Variants in RNF121 observed in about 807,000 individuals in gnomAD.
The protein encoded by RNF121 is E3 ubiquitin ligase RNF121.
A neutral mutation model predicts 46.5 loss-of-function variants in RNF121; 21 were observed. That is an observed-to-expected ratio of 0.45 (90% CI 0.32 to 0.65). The LOEUF is 0.65. Ranked by LOEUF, RNF121 falls within the 30% of genes least tolerant of loss-of-function variation. The pLI is 0.04. For synonymous variants in RNF121, 139 were observed against 144.7 expected, an observed-to-expected ratio of 0.96 and a Z score of 0.28; for missense variants, 346 against 416.0, an observed-to-expected ratio of 0.83 and a Z score of 1.46.
rs745968605 is a variant in RNF121, at chr11:71,960,861, G to C, written c.213G>C (p.Gln71His). The change falls in exon 3 of 9, where the codon CAG becomes CAC. Residue 71 changes from glutamine (Q) to histidine (H), a missense_variant. Physicochemically the swap from Gln to His is conservative, Grantham distance 24. Around this residue, in one of 2 missense-constraint regions of RNF121, gnomAD observed 286 missense variants for 383.8 expected, o/e 0.75. Transcript: ENST00000361756. ...TLVVAQLLLV[Q>H]WKQRHPRSYN... is the part of the protein sequence containing the mutation. Reference sequence around the variant, plus strand: ...TGGTGGCCCAGCTGCTCCTGGTGCAGTGGAAGCAGAGGCACCCACGCTCCT... The same window carrying C: ...TGGTGGCCCAGCTGCTCCTGGTGCACTGGAAGCAGAGGCACCCACGCTCCT... The C allele has an allele frequency of 1.2e-6, 2 of 1,614,160 alleles. No individual in the cohort carries two copies. The highest frequency in any genetic ancestry group is 1.1e-5 in the South Asian group (1 of 91,080).
intron 1 of RNF121, among the ~76,000 whole-genome samples, chr11:71,937,163 C>T (rs879679463): frequency 2.6e-5 from 4 of 152,186 alleles, no homozygotes; most frequent in Admixed American, 6.5e-5. Context: ...TACAGATTTC[C>T]GTCAGCACTT....
chr11:71,976,652 C>G (rs1954533699), intron 3 of RNF121, among the ~76,000 whole-genome samples: 1 of 152,160 alleles, frequency 6.6e-6, no homozygotes, highest in Non-Finnish European at 1.5e-5. Context: ...GCCACGGCAC[C>G]TGGCCCATTC....
At chr11:71,963,958 TTTG>T (rs1169121812) in intron 3 of RNF121, among the ~76,000 whole-genome samples, 2 of 152,236 alleles carry the variant, frequency 1.3e-5, no homozygotes, top group African/African-American at 4.8e-5. Context: ...GTTCCTCAAC[TTTG>T]TTATTATTTT....
intron 1 of RNF121, among the ~76,000 whole-genome samples, chr11:71,934,090 C>T (rs1036698770): frequency 9.2e-5 from 14 of 152,096 alleles, no homozygotes; most frequent in African/African-American, 3.4e-4. Flanking sequence ...TTCCACCTGC[C>T]CTTTAAAGTT....
chr11:71,956,327 C>T (rs1257262299), intron 1 of RNF121, among the ~76,000 whole-genome samples: 2 of 152,138 alleles, frequency 1.3e-5, no homozygotes, highest in African/African-American at 4.8e-5. Context: ...GGGTATGCTT[C>T]TGTATGACTG....
chr11:71,944,881 T>A (rs987755227), intron 1 of RNF121, among the ~76,000 whole-genome samples: 19 of 152,332 alleles, frequency 1.2e-4, no homozygotes, highest in African/African-American at 4.3e-4. Context: ...CCCTAAATCT[T>A]CCTTCAGTCC....
In RNF121 at chr11:71,962,253, C is replaced by T. The variant is rs150276663; in HGVS notation, c.243+1362C>T. Reference sequence around the variant, plus strand: ...TGCTGGGATTACAGGCGTGAGCCACCGCGCCCGGCAGATTTTTACAACCTA... The same window carrying T: ...TGCTGGGATTACAGGCGTGAGCCACTGCGCCCGGCAGATTTTTACAACCTA... On this transcript the variant is annotated intron_variant, in intron 3 of 8. Coordinates refer to ENST00000361756, the MANE Select transcript of RNF121 (RefSeq NM_018320.5). The T allele has an allele frequency of 3.8e-3, 3,746 of 973,542 alleles. 116 individuals are homozygous for T. The African/African-American group carries it at 0.061, about 16-fold the overall frequency. The allele number at this position is 973,542 out of a possible 1,614,324, so 60.3% of individuals were successfully genotyped here.
At chr11:71,980,473 A>C (rs957093786) in intron 3 of RNF121, among the ~76,000 whole-genome samples, 1 of 152,024 alleles carries the variant, frequency 6.6e-6, no homozygotes, top group East Asian at 1.9e-4. Flanking sequence ...CAGCCTCCCA[A>C]GTAGCTGGGA....
intron 3 of RNF121, among the ~76,000 whole-genome samples, chr11:71,982,381 G>A (rs777139205): frequency 4.8e-5 from 7 of 146,674 alleles, no homozygotes; most frequent in Non-Finnish European, 9.0e-5. Flanking sequence ...TCCTTTGACT[G>A]TTTAAGGGTT....
rs1590821151 is a variant in RNF121 at position 71,996,499 on chromosome 11, C to A, written c.*184C>A. On this transcript the variant is annotated 3_prime_UTR_variant, in exon 9 of 9. Transcript: ENST00000361756. Reference sequence around the variant, plus strand: ...GAGAGCCAGCCAGTGGGGCTGTCAGCAGTGGGGGGCTTTTTAAAAGAAAAC... The same window carrying A: ...GAGAGCCAGCCAGTGGGGCTGTCAGAAGTGGGGGGCTTTTTAAAAGAAAAC... 1 of 584,954 alleles carries A rather than the reference C, an allele frequency of 1.7e-6. No homozygotes were observed. The highest frequency in any genetic ancestry group is 3.0e-5 in the East Asian group (1 of 33,544). 36.2% of individuals were successfully genotyped at this position (584,954 alleles called of 1,614,324 possible). A position where few individuals can be genotyped will look rare whatever the true frequency, so the allele number is the denominator to read the frequency against.
intron 3 of RNF121, among the ~76,000 whole-genome samples, chr11:71,972,385 G>C (rs945908813): frequency 4.6e-5 from 7 of 152,164 alleles, no homozygotes; most frequent in Admixed American, 4.6e-4. Flanking sequence ...TGCCTCTTAT[G>C]GCATTCCAAG....
chr11:71,935,840 C>CT (rs1953389674), intron 1 of RNF121, among the ~76,000 whole-genome samples: 3 of 137,898 alleles, frequency 2.2e-5, no homozygotes. Flanking sequence ...ACATAATATT[C>CT]TTTTTCTTTT....
Position 71,929,049 on chromosome 11 carries a change from G to A in RNF121, c.-13G>A. ...CTCGCGCGGGGACTGCGGTGAGGGG[G>A]CGAGCCGTGAAGATGGCGGCAGTGG... On this transcript the variant is annotated 5_prime_UTR_variant, in exon 1 of 9. Transcript: ENST00000361756. The A allele has an allele frequency of 6.4e-7, 1 of 1,551,076 alleles. No homozygotes were observed. Among genetic ancestry groups the A allele is most frequent in the Non-Finnish European group, 8.7e-7 (1 of 1,146,978 alleles).
intron 2 of RNF121, among the ~76,000 whole-genome samples, chr11:71,960,388 C>T (rs975998198): frequency 3.9e-5 from 6 of 152,204 alleles, no homozygotes; most frequent in African/African-American, 1.4e-4. Context: ...GGGTTACTTT[C>T]TCGTTCCAGC....
intron 1 of RNF121, chr11:71,939,549 A>T (rs1488245960): frequency 6.6e-6 from 1 of 152,418 alleles, no homozygotes; most frequent in Non-Finnish European, 1.5e-5. Context: ...ATTTTCACAG[A>T]TCATCTTAGG....
At chr11:71,972,711 A>C (rs146637376) in intron 3 of RNF121, among the ~76,000 whole-genome samples, 2 of 152,054 alleles carry the variant, frequency 1.3e-5, no homozygotes, top group South Asian at 2.1e-4. Flanking sequence ...CAGACTGCCA[A>C]ATGTCCCCTG....
intron 1 of RNF121, among the ~76,000 whole-genome samples, chr11:71,936,634 T>A (rs909854505): frequency 6.6e-6 from 1 of 152,172 alleles, no homozygotes; most frequent in African/African-American, 2.4e-5. Context: ...GACCTTGTGA[T>A]CCACCCGCCT....
chr11:71,978,321 C>T (rs1954575995), intron 3 of RNF121: 1 of 245,860 alleles, frequency 4.1e-6, no homozygotes, highest in Non-Finnish European at 8.5e-6. Context: ...GGTCCTTCCA[C>T]CAGCAGCTGC....
At chr11:71,984,157 A>G (rs1954718007) in intron 4 of RNF121, among the ~76,000 whole-genome samples, 1 of 152,258 alleles carries the variant, frequency 6.6e-6, no homozygotes, top group Non-Finnish European at 1.5e-5. Flanking sequence ...TGATAAGATG[A>G]TATGAAGAAA....
Sources: allele counts gnomAD v4.1 joint callset (sites outside exome capture counted in the v4.1 genomes callset), GRCh38; gene constraint gnomAD v4.1.1; regional missense constraint gnomAD v4.1.1; transcripts MANE v1.5; gene names NCBI Gene and HGNC (gene_info 2026-07-23, HGNC 2026-07-21).